The following NAV3 variants were observed in gnomAD, a reference collection of about 807,000 sequenced individuals.
NAV3 encodes the protein neuron navigator 3, also known as pore membrane and/or filament interacting like protein 1.
A neutral mutation model predicts 244.7 loss-of-function variants in NAV3; 87 were observed. The ratio of observed to expected loss-of-function variants is 0.36; its 90% CI spans 0.30 to 0.42. NAV3 has a LOEUF of 0.42. NAV3 is among the 20% of genes least tolerant of loss of function. The pLI is 1.00. For missense variants in NAV3, 2,663 were observed against 2,893.3 expected, an observed-to-expected ratio of 0.92 and a Z score of 1.83; for synonymous variants, 1,126 against 1,042.2, an observed-to-expected ratio of 1.08 and a Z score of -1.55.
chr12:78,011,733 C>T (rs1171441357), intron 8 of NAV3, among the ~76,000 whole-genome samples: 1 of 152,120 alleles, frequency 6.6e-6, no homozygotes, highest in Non-Finnish European at 1.5e-5. Flanking sequence ...CTATATTAGT[C>T]AGTTTTCACA....
chr12:78,142,320 C>T (rs1026398406), intron 20 of NAV3, among the ~76,000 whole-genome samples: 2 of 151,992 alleles, frequency 1.3e-5, no homozygotes, highest in African/African-American at 4.8e-5. Context: ...AAACAGATTA[C>T]TAGTCTACCA....
At chr12:77,790,830 C>T (rs1463182351) in intron 2 of NAV3, among the ~76,000 whole-genome samples, 1 of 152,170 alleles carries the variant, frequency 6.6e-6, no homozygotes, top group Non-Finnish European at 1.5e-5. Context: ...CCTCTCCTCT[C>T]TCACCTGACC....
At chr12:77,833,553 G>A (rs779330096) in intron 1 of NAV3, among the ~76,000 whole-genome samples, 1 of 152,208 alleles carries the variant, frequency 6.6e-6, no homozygotes, top group African/African-American at 2.4e-5. Flanking sequence ...CTAGGGTTGA[G>A]TATTTACAGC....
intron 2 of NAV3, among the ~76,000 whole-genome samples, chr12:77,586,169 GA>G (rs1230292912): frequency 7.1e-5 from 9 of 126,340 alleles, no homozygotes; most frequent in South Asian, 2.5e-4. Context: ...CTCAAAAAAA[GA>G]AAAAAAAAAT....
intron 12 of NAV3, among the ~76,000 whole-genome samples, chr12:78,112,514 C>A (rs577224019): frequency 2.0e-5 from 3 of 152,058 alleles, no homozygotes; most frequent in Non-Finnish European, 4.4e-5. Context: ...GCACACATGT[C>A]CTTCACATGG....
intron 2 of NAV3, among the ~76,000 whole-genome samples, chr12:77,621,477 C>CTTTTTT (rs1217567447): frequency 1.5e-5 from 2 of 135,044 alleles, no homozygotes; most frequent in Non-Finnish European, 3.2e-5. Context: ...TTTCTCTTCT[C>CTTTTTT]TTTTTTTTTT....
chr12:78,101,487 G>T (rs959365317), intron 12 of NAV3, among the ~76,000 whole-genome samples: 2 of 152,122 alleles, frequency 1.3e-5, no homozygotes, highest in African/African-American at 4.8e-5. Context: ...TATACATTTT[G>T]TAGGTCGAGA....
intron 2 of NAV3, among the ~76,000 whole-genome samples, chr12:77,627,140 GA>G (rs1384878194): frequency 6.6e-6 from 1 of 152,012 alleles, no homozygotes; most frequent in Non-Finnish European, 1.5e-5. Context: ...CTGCCTATAA[GA>G]AATACACTTC....
chr12:77,891,459 A>G (rs889260459), intron 1 of NAV3, among the ~76,000 whole-genome samples: 2 of 152,172 alleles, frequency 1.3e-5, no homozygotes, highest in South Asian at 2.1e-4. Context: ...CTCTTTGTTT[A>G]TATCTTCTGC....
In NAV3 at chr12:78,122,446, C is replaced by T. The variant is rs2138708663; in HGVS notation, c.4238+18C>T. 1 of 1,558,302 alleles carries T rather than the reference C, an allele frequency of 6.4e-7. No individual in the cohort carries two copies. Among genetic ancestry groups the T allele is most frequent in the Non-Finnish European group, 8.6e-7 (1 of 1,158,064 alleles). On this transcript the variant is annotated intron_variant, in intron 16 of 39. Coordinates refer to ENST00000397909, the MANE Select transcript of NAV3 (RefSeq NM_001024383.2). ...TCAGAAAGGTGAGCTTTCCTGGAGG[C>T]ATTGATAACATCTTCCCCCTCTTCC... is the stretch of plus-strand genomic sequence containing the variant.
At chr12:77,674,121 T>C (rs1173776711) in intron 2 of NAV3, among the ~76,000 whole-genome samples, 2 of 152,174 alleles carry the variant, frequency 1.3e-5, no homozygotes, top group Non-Finnish European at 2.9e-5. Context: ...ATAATATCAA[T>C]GTTTCTTTAT....
intron 5 of NAV3, among the ~76,000 whole-genome samples, chr12:77,982,771 G>A (rs532886751): frequency 1.3e-5 from 2 of 152,284 alleles, no homozygotes; most frequent in South Asian, 4.1e-4. Flanking sequence ...GAATGGCGGG[G>A]ATGTCACAAA....
rs533650105 is a variant in NAV3 at position 77,924,401 on chromosome 12, A to C, written c.244-15918A>C. 9.2e-5 allele frequency among the ~76,000 whole-genome samples: 14 copies of C among 152,242 alleles called. No homozygotes were observed. The South Asian group carries it at 2.9e-3, about 32-fold the overall frequency. On this transcript the variant is annotated intron_variant, in intron 1 of 39. Transcript: ENST00000397909. ...GCTGGAAATGAAGTCCTTGGTGAGA[A>C]GCTGCTTTCTAGAGAATATTTTATG...
chr12:77,881,563 T>C (rs1254190030), intron 1 of NAV3, among the ~76,000 whole-genome samples: 2 of 152,248 alleles, frequency 1.3e-5, no homozygotes, highest in Admixed American at 1.3e-4. Context: ...CAGCATATTA[T>C]TGGAAGTCCT....
intron 2 of NAV3, among the ~76,000 whole-genome samples, chr12:77,653,506 A>C (rs953793754): frequency 6.6e-6 from 1 of 152,232 alleles, no homozygotes; most frequent in East Asian, 1.9e-4. Context: ...ATTGGATTTG[A>C]AAATCAAATT....
At chr12:77,637,579 G>A (rs1872211079) in intron 2 of NAV3, among the ~76,000 whole-genome samples, 1 of 152,040 alleles carries the variant, frequency 6.6e-6, no homozygotes, top group Non-Finnish European at 1.5e-5. Context: ...TCACCCCATG[G>A]AGTAGGCATT....
At chr12:77,762,730 TTG>T (rs1869544355) in intron 2 of NAV3, among the ~76,000 whole-genome samples, 1 of 147,820 alleles carries the variant, frequency 6.8e-6, no homozygotes, top group Non-Finnish European at 1.5e-5. Context: ...TTTTTTGTTG[TTG>T]TTGTTGTTGT....
intron 2 of NAV3, among the ~76,000 whole-genome samples, chr12:77,814,532 A>G (rs1227932613): frequency 6.6e-6 from 1 of 152,194 alleles, no homozygotes; most frequent in Non-Finnish European, 1.5e-5. Context: ...GTTAGAGCCA[A>G]TTAAAACAGC....
At chr12:77,764,279 G>A (rs1274301543) in intron 2 of NAV3, among the ~76,000 whole-genome samples, 1 of 152,178 alleles carries the variant, frequency 6.6e-6, no homozygotes, top group Non-Finnish European at 1.5e-5. Context: ...CTGAGTAATA[G>A]AATCTGTTCA....
Sources: allele counts gnomAD v4.1 joint callset (sites outside exome capture counted in the v4.1 genomes callset), GRCh38; gene constraint gnomAD v4.1.1; transcripts MANE v1.5; gene names NCBI Gene and HGNC (gene_info 2026-07-23, HGNC 2026-07-21).